The following MIGA2 variants were observed in gnomAD, a reference collection of about 807,000 sequenced individuals.
MIGA2 encodes the protein family with sequence similarity 73, member B.
In MIGA2, 36 loss-of-function variants were observed where a neutral mutation model predicts 69.9. The observed-to-expected ratio is 0.52, with a 90% CI of 0.39 to 0.68. MIGA2 has a LOEUF of 0.68. MIGA2 is among the 30% of genes least tolerant of loss of function. MIGA2 has a pLI of 0.00. For synonymous variants in MIGA2, 333 were observed against 349.2 expected (o/e 0.95, Z 0.52); for missense variants, 660 against 787.7 (o/e 0.84, Z 1.94).
At chr9:129,051,813 GTAATTAATTAAT>G (rs141857454) in intron 6 of MIGA2, among the ~76,000 whole-genome samples, 64 of 148,296 alleles carry the variant, frequency 4.3e-4, no homozygotes, top group Middle Eastern at 3.4e-3. Flanking sequence ...TAGCCAGGAT[GTAATTAATTAAT>G]TAATTAATTA....
rs771618727 is a variant in MIGA2 at position 129,061,408 on chromosome 9, C to G, written c.1010+62C>G. 2.7e-6 allele frequency: 4 copies of G among 1,459,970 alleles called. No individual in the cohort carries two copies. The highest frequency in any genetic ancestry group is 4.7e-4 in the Middle Eastern group (2 of 4,238). 90.4% of individuals were successfully genotyped at this position (1,459,970 alleles called of 1,614,324 possible). A position where few individuals can be genotyped will look rare whatever the true frequency, so the allele number is the denominator to read the frequency against. On this transcript the variant is annotated intron_variant, in intron 9 of 15. Transcript: ENST00000684074. The surrounding 1 kb of genome is among the most constrained non-coding windows in gnomAD (Gnocchi z 5.0). ...AGGCGATGGGTGATTCTGGCCCTTG[C>G]GGGAGGCGGAGAAGCCAGCGGTGCT... is the stretch of plus-strand genomic sequence containing the variant.
At position 129,063,742 on chromosome 9, in the gene MIGA2, C is replaced by A. The variant is rs988576715; in HGVS notation, c.1170+111C>A. On this transcript the variant is annotated intron_variant, in intron 11 of 15. Transcript: ENST00000684074. The stretch of plus-strand genomic sequence containing the variant: ...TGTGCACAGGCTGATACACGTTCCT[C>A]CTACTCCGTTCTGTAGACTCTGCAA... 1.2e-5 allele frequency: 12 copies of A among 1,000,972 alleles called. No individual in the cohort carries two copies. The African/African-American group carries it at 1.8e-4, about 15-fold the overall frequency. The allele number at this position is 1,000,972 out of a possible 1,614,324, so 62.0% of individuals were successfully genotyped here. A position where few individuals can be genotyped will look rare whatever the true frequency, so the allele number is the denominator to read the frequency against.
chr9:129,065,734 C>G (rs1197501299), intron 11 of MIGA2, among the ~76,000 whole-genome samples: 3 of 152,138 alleles, frequency 2.0e-5, no homozygotes, highest in Non-Finnish European at 4.4e-5. Flanking sequence ...ACTGGAAGCC[C>G]CCCACACCAC....
At position 129,068,442 on chromosome 9, in the gene MIGA2, C is replaced by T. The variant is rs1473635681; in HGVS notation, c.1404+110C>T. The T allele has an allele frequency of 1.3e-5, 19 of 1,468,600 alleles. No individual in the cohort carries two copies. Among genetic ancestry groups the T allele is most frequent in the South Asian group, 2.4e-5 (2 of 81,842 alleles). The allele number at this position is 1,468,600 out of a possible 1,614,324, so 91.0% of individuals were successfully genotyped here. ...CTGGCACCAGGGCTGGGCCCCCACC[C>T]CCTAGATCCGCGGCTGCCAGGCCTG... On this transcript the variant is annotated intron_variant, in intron 13 of 15. Transcript: ENST00000684074. The surrounding 1 kb of genome is among the most constrained non-coding windows in gnomAD (Gnocchi z 4.1).
chr9:129,065,414 C>G (rs918918021), intron 11 of MIGA2, among the ~76,000 whole-genome samples: 1 of 151,672 alleles, frequency 6.6e-6, no homozygotes, highest in African/African-American at 2.4e-5. Flanking sequence ...GGTGCGATCT[C>G]GACCCACTGC....
intron 11 of MIGA2, among the ~76,000 whole-genome samples, chr9:129,064,618 G>C (rs914109220): frequency 6.6e-6 from 1 of 151,278 alleles, no homozygotes; most frequent in Non-Finnish European, 1.5e-5. Flanking sequence ...ACCCTCACTT[G>C]CGCCTGCTGC....
rs1845950508 is a variant in MIGA2, at chr9:129,059,365, T to C, written c.793+94T>C. On this transcript the variant is annotated intron_variant, in intron 7 of 15. Transcript: ENST00000684074. The surrounding 1 kb of genome is among the most constrained non-coding windows in gnomAD (Gnocchi z 5.6). ...GAGAACCGGGTCGTGGTTCTCTCAG[T>C]GCGTCCAATGAATCAGAATCCCCAG... is the stretch of plus-strand genomic sequence containing the variant. 1.1e-6 allele frequency: 1 copy of C among 923,208 alleles called. No homozygotes were observed. The highest frequency in any genetic ancestry group is 2.2e-5 in the Admixed American group (1 of 45,780). The allele number at this position is 923,208 out of a possible 1,614,324, so 57.2% of individuals were successfully genotyped here.
At position 129,040,473 on chromosome 9, in the gene MIGA2, T is replaced by A; in HGVS notation, c.-122T>A. ...TTAGCTCTGTGGAGGGGCCCTCTGG[T>A]ATGTGTGTCCCTGTCCTTCTGGGGC... is the stretch of plus-strand genomic sequence containing the variant. On this transcript the variant is annotated 5_prime_UTR_variant, in exon 2 of 16. Transcript: ENST00000684074. 7.0e-7 allele frequency: 1 copy of A among 1,427,076 alleles called. No individual in the cohort carries two copies. Among genetic ancestry groups the A allele is most frequent in the Non-Finnish European group, 9.3e-7 (1 of 1,079,500 alleles). 88.4% of individuals were successfully genotyped at this position (1,427,076 alleles called of 1,614,324 possible).
chr9:129,040,701 G>T lies in MIGA2; in HGVS notation c.96+11G>T. On this transcript the variant is annotated intron_variant, in intron 2 of 15. Coordinates refer to ENST00000684074, the MANE Select transcript of MIGA2 (RefSeq NM_001329990.2). ...ACGACGTTTGGGCAGGTAAGGATCA[G>T]GGTGGGTTGTACCTCTGGTCTATGA... 6.2e-7 allele frequency: 1 copy of T among 1,611,456 alleles called. No individual in the cohort carries two copies.
rs367611771 is a variant in MIGA2, at chr9:129,040,559, G to C, written c.-36G>C. On this transcript the variant is annotated 5_prime_UTR_variant, in exon 2 of 16. Transcript: ENST00000684074. ...GAAGACGTTCTCCTTGGAAGCTCTT[G>C]GCCCTGAGGACTTTGCCTGGGGCAT... is the stretch of plus-strand genomic sequence containing the variant. The C allele has an allele frequency of 1.9e-5, 31 of 1,594,162 alleles. No homozygotes were observed. In the South Asian group the frequency reaches 2.8e-4, roughly 14 times the overall value.
intron 6 of MIGA2, chr9:129,051,481 T>C (rs1172243533): frequency 6.6e-6 from 1 of 150,942 alleles, no homozygotes; most frequent in Non-Finnish European, 1.5e-5. Context: ...TTTCACCATG[T>C]TGGCCAGAAT....
rs1297065360 is a variant in MIGA2 at position 129,051,100 on chromosome 9, CTGACCTCAGGTGATCT to C, written c.675+1154_675+1169del. 2.6e-5 allele frequency among the ~76,000 whole-genome samples: 4 copies of C among 151,874 alleles called. No homozygotes were observed. In the South Asian group the frequency reaches 8.3e-4, roughly 31 times the overall value. On this transcript the variant is annotated intron_variant, in intron 6 of 15. Transcript: ENST00000684074. Reference sequence around the variant, plus strand: ...TATTGGTCAGGCTGGTCTCGAACTCCTGACCTCAGGTGATCTTGACCTCAGGTGATCTGCCTGCCTC... The same window carrying C: ...TATTGGTCAGGCTGGTCTCGAACTCCTGACCTCAGGTGATCTGCCTGCCTC...
intron 9 of MIGA2, 21 bp from the exon 10 acceptor site, chr9:129,063,223 C>T (rs755448029): frequency 8.7e-6 from 14 of 1,613,658 alleles, no homozygotes; most frequent in South Asian, 3.3e-5. Flanking sequence ...GGTTGTGTGA[C>T]GCCGTCTGTC....
Position 129,068,213 on chromosome 9 carries a change from T to G in MIGA2, c.1285T>G (p.Phe429Val). Reference protein sequence around the residue: ...LEGRGVVCMSFFDIVLDFILM... With the variant: ...LEGRGVVCMSVFDIVLDFILM... ...CCCTCTGTAGGTGGTATGCATGAGCTTCTTCGACATCGTGCTGGACTTCAT... is the reference window on the plus strand; with the variant it reads ...CCCTCTGTAGGTGGTATGCATGAGCGTCTTCGACATCGTGCTGGACTTCAT... Residue 429 changes from phenylalanine to valine, a missense_variant, in exon 13 of 16, where the codon TTC becomes GTC. By Grantham distance (50) the Phe-to-Val change is conservative. Transcript: ENST00000684074. This position sits in a 1 kb window ranked among gnomAD's most constrained non-coding sequence, Gnocchi z 4.1. 6.2e-7 allele frequency: 1 copy of G among 1,613,856 alleles called. No homozygotes were observed. Among genetic ancestry groups the G allele is most frequent in the Non-Finnish European group, 8.5e-7 (1 of 1,180,020 alleles).
intron 11 of MIGA2, 66 bp downstream of exon 11, chr9:129,063,697 C>T: frequency 3.9e-6 from 6 of 1,537,778 alleles, no homozygotes; most frequent in African/African-American, 1.4e-5. Flanking sequence ...CCCTGAACCC[C>T]ACCTGCCAGA....
intron 11 of MIGA2, 30 bp downstream of exon 11, chr9:129,063,661 T>C (rs757065837): frequency 6.3e-7 from 1 of 1,597,372 alleles, no homozygotes; most frequent in African/African-American, 1.3e-5. Flanking sequence ...GGGGGCAAAT[T>C]ATAAAATGCA....
chr9:129,071,915 G>GT lies in MIGA2; in HGVS notation c.*1463dup, dbSNP rs1340916708. On this transcript the variant is annotated 3_prime_UTR_variant, in exon 16 of 16. Coordinates refer to ENST00000684074, the MANE Select transcript of MIGA2 (RefSeq NM_001329990.2). ...TTTGCACTTACCCTGTGCTGTGAAT[G>GT]TAACAGTGGGCCTTGGCCCCGCCCA... 1.3e-5 allele frequency: 2 copies of GT among 152,256 alleles called. No homozygotes were observed. Among genetic ancestry groups the GT allele is most frequent in the Non-Finnish European group, 2.9e-5 (2 of 68,052 alleles). The allele number at this position is 152,256 out of a possible 1,614,324, so 9.4% of individuals were successfully genotyped here. A position where few individuals can be genotyped will look rare whatever the true frequency, so the allele number is the denominator to read the frequency against.
rs1830834048 is a variant in MIGA2 at position 129,063,288 on chromosome 9, A to C, written c.1055A>C (p.Lys352Thr). ...GCYSDQDFLA[K>T]LHCVRQAFEG... ...TACAGTGACCAGGACTTTCTGGCCAAGCTGCACTGTGTGCGGCAGGCCTTC... is the reference window on the plus strand; with the variant it reads ...TACAGTGACCAGGACTTTCTGGCCACGCTGCACTGTGTGCGGCAGGCCTTC... Residue 352 changes from lysine to threonine, a missense_variant, in exon 10 of 16, where the codon AAG (lysine) becomes ACG (threonine). By Grantham distance (78) the Lys-to-Thr change is moderately conservative (BLOSUM62 -1). This residue lies in a region of MIGA2 where 386 missense variants were observed against 402.0 expected (regional missense o/e 0.96). Transcript: ENST00000684074. 1.9e-6 allele frequency: 3 copies of C among 1,613,960 alleles called. No homozygotes were observed. The African/African-American group carries it at 4.0e-5, about 22-fold the overall frequency.
intron 6 of MIGA2, among the ~76,000 whole-genome samples, chr9:129,053,499 G>A (rs961393862): frequency 1.3e-5 from 2 of 151,894 alleles, no homozygotes; most frequent in South Asian, 4.2e-4. Flanking sequence ...GAGTAGTTTG[G>A]ATTACAGGCA....
Sources: gnomAD v4.1 joint callset for allele counts (sites outside exome capture counted in the v4.1 genomes callset) on GRCh38, gnomAD v4.1.1 for gene constraint, gnomAD v4.1.1 regional missense constraint, Gnocchi (gnomAD v3.1) non-coding constraint, MANE v1.5 for transcripts, NCBI Gene and HGNC (gene_info 2026-07-23, HGNC 2026-07-21) for gene names.